Variants in ZNF236 observed in about 807,000 individuals in gnomAD.
ZNF236 encodes the protein zinc finger protein 236, also known as regulated by glucose.
A neutral mutation model predicts 191.2 loss-of-function variants in ZNF236; 50 were observed. That is an observed-to-expected ratio of 0.26 (90% CI 0.21 to 0.33). The LOEUF (loss-of-function observed/expected upper bound fraction) is 0.33, where lower values mean the gene tolerates loss of function less well. Among genes scored for constraint, ZNF236 ranks in the 10% least tolerant of loss-of-function variants. The pLI is 1.00. For synonymous variants in ZNF236, 907 were observed against 928.8 expected (o/e 0.98, Z 0.43); for missense variants, 1,754 against 2,374.5 (o/e 0.74, Z 5.43).
intron 18 of ZNF236, 41 bp downstream of exon 18, chr18:76,913,939 A>G (rs1214484037): frequency 1.2e-6 from 2 of 1,607,374 alleles, no homozygotes; most frequent in African/African-American, 2.7e-5. Flanking sequence ...TCCTTTAAAG[A>G]AAAAAGCTTT....
intron 19 of ZNF236, among the ~76,000 whole-genome samples, chr18:76,916,857 G>A (rs976121162): frequency 1.2e-4 from 18 of 152,162 alleles, no homozygotes; most frequent in Admixed American, 3.3e-4. Context: ...GCTAAATGGG[G>A]ACTGTCATCG....
intron 9 of ZNF236, among the ~76,000 whole-genome samples, chr18:76,881,714 G>T (rs1427784842): frequency 6.6e-6 from 1 of 152,118 alleles, no homozygotes; most frequent in Non-Finnish European, 1.5e-5. Flanking sequence ...CTTTAACCTG[G>T]CTTCTTTCCT....
Position 76,960,801 on chromosome 18 carries a change from T to G in ZNF236, c.5365T>G (p.Phe1789Val). The G allele has an allele frequency of 6.2e-7, 1 of 1,614,124 alleles. No individual in the cohort carries two copies. The highest frequency in any genetic ancestry group is 8.5e-7 in the Non-Finnish European group (1 of 1,180,000). Reference sequence around the variant, plus strand: ...CAAGTGTGCCTACTGCGTCATGGGCTTCACGCAGAAGAGCAACATGAAGCT... The same window carrying G: ...CAAGTGTGCCTACTGCGTCATGGGCGTCACGCAGAAGAGCAACATGAAGCT... The part of the protein sequence containing the change: ...PYKCAYCVMG[F>V]TQKSNMKLHM... The change falls in exon 30 of 31, where the codon TTC becomes GTC. Residue 1789 changes from phenylalanine to valine, a missense_variant. Around this residue, in one of 5 missense-constraint regions of ZNF236, gnomAD observed 606 missense variants for 761.5 expected, o/e 0.80. Coordinates refer to ENST00000320610, the MANE Select transcript of ZNF236 (RefSeq NM_001306089.2). The surrounding 1 kb of genome is among the most constrained non-coding windows in gnomAD (Gnocchi z 4.4).
rs775794656 is a variant in ZNF236, at chr18:76,927,896, C to T, written c.4415-31C>T. The T allele has an allele frequency of 5.3e-6, 8 of 1,499,448 alleles. No individual in the cohort carries two copies. The East Asian group carries it at 1.9e-4, about 36-fold the overall frequency. The allele number at this position is 1,499,448 out of a possible 1,614,324, so 92.9% of individuals were successfully genotyped here. ...AGGGGAAATTGGTTATTTTGAATCT[C>T]AACTTTGTTTTGCTTTGTAATGACA... is the stretch of plus-strand genomic sequence containing the variant. On this transcript the variant is annotated intron_variant, in intron 24 of 30. Transcript: ENST00000320610. The surrounding 1 kb of genome is among the most constrained non-coding windows in gnomAD (Gnocchi z 5.4).
chr18:76,953,555 A>G (rs1158954847), intron 27 of ZNF236, among the ~76,000 whole-genome samples: 1 of 152,238 alleles, frequency 6.6e-6, no homozygotes, highest in Admixed American at 6.5e-5. Flanking sequence ...ATTTGAATCC[A>G]GATCTGTCTT....
At position 76,880,153 on chromosome 18, in the gene ZNF236, C is replaced by G; in HGVS notation, c.1025C>G (p.Ala342Gly). 3 of 1,614,086 alleles carry G rather than the reference C, an allele frequency of 1.9e-6. No homozygotes were observed. Among genetic ancestry groups the G allele is most frequent in the Non-Finnish European group, 2.5e-6 (3 of 1,180,004 alleles). The change falls in exon 8 of 31, where the codon GCC becomes GGC. Residue 342 changes from alanine (A) to glycine (G), a missense_variant. Transcript: ENST00000320610. The surrounding 1 kb of genome is among the most constrained non-coding windows in gnomAD (Gnocchi z 5.0). ...ACGTTACCTCTTCAACAGACGGAAG[C>G]CCAAGCCACGTCGGCCTCAAGCCAG... ...FQTLPLQQTE[A>G]QATSASSQPS...
intron 13 of ZNF236, 133 bp downstream of exon 13, chr18:76,905,548 A>C: frequency 1.3e-4 from 5 of 39,666 alleles, no homozygotes; most frequent in African/African-American, 5.0e-4. Flanking sequence ...GGCTCAAGAA[A>C]AAAAAAAAAA....
chr18:76,893,524 T>C (rs997275982), intron 9 of ZNF236, among the ~76,000 whole-genome samples: 5 of 152,218 alleles, frequency 3.3e-5, no homozygotes, highest in Non-Finnish European at 5.9e-5. Context: ...TTTTTTCTTT[T>C]TGAGACAGGG....
intron 1 of ZNF236, chr18:76,824,501 C>T (rs552927728): frequency 1.8e-5 from 14 of 777,900 alleles, no homozygotes; most frequent in African/African-American, 3.4e-5. Context: ...TTGCCTCTCC[C>T]GCTTTTGAGT....
chr18:76,826,025 G>C (rs1975006558), intron 1 of ZNF236, among the ~76,000 whole-genome samples: 3 of 152,276 alleles, frequency 2.0e-5, no homozygotes, highest in East Asian at 3.9e-4. Context: ...TATTTTCTTT[G>C]TTGCCCTATT....
chr18:76,937,126 A>G (rs539970421), intron 25 of ZNF236, 30 bp from the exon 26 acceptor site: 4 of 1,602,578 alleles, frequency 2.5e-6, no homozygotes, highest in African/African-American at 1.3e-5. Context: ...TGGCCTTCCC[A>G]TTGATCTACT....
At chr18:76,865,667 T>C (rs1473338708) in intron 3 of ZNF236, among the ~76,000 whole-genome samples, 1 of 152,118 alleles carries the variant, frequency 6.6e-6, no homozygotes, top group South Asian at 2.1e-4. Context: ...GTAGACAGTA[T>C]TGGGGGCACC....
At chr18:76,824,114 A>G in intron 1 of ZNF236, 1 of 569,266 alleles carries the variant, frequency 1.8e-6, no homozygotes, top group Non-Finnish European at 3.1e-6. Context: ...GAGGCTCATT[A>G]AAGAGCTTGT....
chr18:76,931,752 A>C (rs1379590933), intron 25 of ZNF236, among the ~76,000 whole-genome samples: 3 of 152,250 alleles, frequency 2.0e-5, no homozygotes, highest in African/African-American at 7.2e-5. Flanking sequence ...AAATGAGCTC[A>C]TGTAAGATAA....
intron 17 of ZNF236, 61 bp downstream of exon 17, chr18:76,912,408 G>A: frequency 7.9e-7 from 1 of 1,267,922 alleles, no homozygotes; most frequent in Non-Finnish European, 1.1e-6. Flanking sequence ...ATGCTGCTGT[G>A]TGTTTGCCCC....
chr18:76,868,654 G>T (rs761188419), intron 3 of ZNF236, 31 bp from the exon 4 acceptor site: 4 of 1,561,162 alleles, frequency 2.6e-6, no homozygotes, highest in African/African-American at 2.7e-5. Context: ...TGAAAGGTTT[G>T]CTCTGCTCAC....
chr18:76,968,363 A>G lies in ZNF236; in HGVS notation c.*24A>G. 1 of 1,594,026 alleles carries G rather than the reference A, an allele frequency of 6.3e-7. No individual in the cohort carries two copies. Among genetic ancestry groups the G allele is most frequent in the South Asian group, 1.1e-5 (1 of 87,050 alleles). ...GATGCGAGTTGGAAGTACACCTTTA[A>G]GAATGTTTCTGAAGTTACGTTTTGT... is the stretch of plus-strand genomic sequence containing the variant. On this transcript the variant is annotated 3_prime_UTR_variant, in exon 31 of 31. Coordinates refer to ENST00000320610, the MANE Select transcript of ZNF236 (RefSeq NM_001306089.2).
intron 4 of ZNF236, among the ~76,000 whole-genome samples, chr18:76,871,276 A>T (rs1976576773): frequency 6.6e-6 from 1 of 152,152 alleles, no homozygotes; most frequent in Non-Finnish European, 1.5e-5. Context: ...GAGCCAGAGG[A>T]GGAGGCAGAG....
intron 3 of ZNF236, among the ~76,000 whole-genome samples, chr18:76,859,931 A>C (rs1294569890): frequency 6.6e-6 from 1 of 152,126 alleles, no homozygotes; most frequent in Non-Finnish European, 1.5e-5. Context: ...GCAGAGCCTG[A>C]GTGGGGCACA....
Sources: gnomAD v4.1 joint callset for allele counts (sites outside exome capture counted in the v4.1 genomes callset) on GRCh38, gnomAD v4.1.1 for gene constraint, gnomAD v4.1.1 regional missense constraint, Gnocchi (gnomAD v3.1) non-coding constraint, MANE v1.5 for transcripts, NCBI Gene and HGNC (gene_info 2026-07-23, HGNC 2026-07-21) for gene names.